The following AUTS2 variants were observed in gnomAD, a reference collection of about 807,000 sequenced individuals.
The protein encoded by AUTS2 is activator of transcription and developmental regulator AUTS2.
Under a neutral mutation model 112.4 loss-of-function variants are expected in AUTS2, and 17 were observed. The ratio of observed to expected loss-of-function variants is 0.15; its 90% CI spans 0.10 to 0.23. The LOEUF (loss-of-function observed/expected upper bound fraction) is 0.23. AUTS2 is among the 10% of genes least tolerant of loss of function. The pLI is 1.00. For missense variants in AUTS2, 1,510 were observed against 1,701.6 expected (o/e 0.89, Z 1.98); for synonymous variants, 751 against 702.7 (o/e 1.07, Z -1.09).
chr7:70,339,217 T>C (rs914394618), intron 4 of AUTS2, among the ~76,000 whole-genome samples: 2 of 152,128 alleles, frequency 1.3e-5, no homozygotes, highest in African/African-American at 4.8e-5. Context: ...GTAACAGTGT[T>C]GTGAATATTG....
chr7:70,069,102 A>G (rs772494591), intron 2 of AUTS2, among the ~76,000 whole-genome samples: 87 of 152,314 alleles, frequency 5.7e-4, no homozygotes, highest in Non-Finnish European at 1.1e-3. Flanking sequence ...CAGGGCTTCC[A>G]AGTGATTAGT....
intron 5 of AUTS2, among the ~76,000 whole-genome samples, chr7:70,555,499 T>C (rs553868350): frequency 1.3e-5 from 2 of 152,190 alleles, no homozygotes; most frequent in African/African-American, 4.8e-5. Context: ...TTTTCCAGAG[T>C]TACCTCCTTG....
intron 4 of AUTS2, among the ~76,000 whole-genome samples, chr7:70,428,723 A>G (rs1224213288): frequency 6.6e-6 from 1 of 152,230 alleles, no homozygotes; most frequent in Non-Finnish European, 1.5e-5. Context: ...TGTTCCAGCA[A>G]GGTCCATTGA....
chr7:70,464,758 TG>T (rs1490653953), intron 5 of AUTS2, among the ~76,000 whole-genome samples: 2 of 152,216 alleles, frequency 1.3e-5, no homozygotes, highest in East Asian at 3.8e-4. Flanking sequence ...AACTGGAATA[TG>T]AGGTTGGTGA....
chr7:69,775,662 C>T (rs1788860325), intron 1 of AUTS2, among the ~76,000 whole-genome samples: 1 of 152,098 alleles, frequency 6.6e-6, no homozygotes, highest in South Asian at 2.1e-4. Context: ...GCACACATTT[C>T]AAGGCAAGCA....
chr7:70,036,475 G>A (rs1051136024), intron 2 of AUTS2, among the ~76,000 whole-genome samples: 19 of 152,322 alleles, frequency 1.2e-4, no homozygotes, highest in Admixed American at 5.9e-4. Flanking sequence ...GGGCTGTCCC[G>A]TGGTTTAATA....
intron 4 of AUTS2, among the ~76,000 whole-genome samples, chr7:70,377,503 C>A (rs1009408106): frequency 4.0e-5 from 6 of 149,846 alleles, no homozygotes; most frequent in African/African-American, 1.2e-4. Context: ...ACCATTTTAA[C>A]AATTTTTAAA....
At chr7:69,795,505 C>G (rs1789802786) in intron 1 of AUTS2, among the ~76,000 whole-genome samples, 2 of 152,006 alleles carry the variant, frequency 1.3e-5, no homozygotes, top group African/African-American at 2.4e-5. Context: ...TGTAGTGAGA[C>G]CCCTGTTTCT....
chr7:70,744,273 G>A (rs376732449), intron 6 of AUTS2, among the ~76,000 whole-genome samples: 1 of 152,152 alleles, frequency 6.6e-6, no homozygotes, highest in Admixed American at 6.5e-5. Flanking sequence ...TTTTCCAAGG[G>A]TGAGTGACAT....
At chr7:70,240,337 G>A (rs997279330) in intron 4 of AUTS2, among the ~76,000 whole-genome samples, 1 of 152,192 alleles carries the variant, frequency 6.6e-6, no homozygotes, top group South Asian at 2.1e-4. Flanking sequence ...AACTCTTTGA[G>A]TCTGAGTTTT....
chr7:69,963,092 G>C (rs948303588), intron 2 of AUTS2, among the ~76,000 whole-genome samples: 1 of 152,026 alleles, frequency 6.6e-6, no homozygotes, highest in Non-Finnish European at 1.5e-5. Context: ...TAAACTGTCT[G>C]TTTAAAACAA....
intron 5 of AUTS2, among the ~76,000 whole-genome samples, chr7:70,455,348 G>A (rs1796693202): frequency 6.6e-6 from 1 of 152,166 alleles, no homozygotes; most frequent in Admixed American, 6.5e-5. Flanking sequence ...GGGTGCTACA[G>A]GTGGCAATGG....
At chr7:69,678,410 A>C (rs979345307) in intron 1 of AUTS2, among the ~76,000 whole-genome samples, 2 of 152,150 alleles carry the variant, frequency 1.3e-5, no homozygotes, top group Admixed American at 1.3e-4. Context: ...AGCAGAATTT[A>C]TATTCTATTT....
At chr7:69,850,812 A>G (rs1355885863) in intron 1 of AUTS2, among the ~76,000 whole-genome samples, 1 of 152,196 alleles carries the variant, frequency 6.6e-6, no homozygotes, top group Non-Finnish European at 1.5e-5. Flanking sequence ...TTTCATTATT[A>G]TAACAGGATG....
chr7:69,832,993 G>A (rs993588994), intron 1 of AUTS2, among the ~76,000 whole-genome samples: 1 of 152,110 alleles, frequency 6.6e-6, no homozygotes, highest in Non-Finnish European at 1.5e-5. Flanking sequence ...TTCCCTCCTT[G>A]ATGTCCACAA....
intron 1 of AUTS2, among the ~76,000 whole-genome samples, chr7:69,628,888 C>T (rs948412805): frequency 2.0e-5 from 3 of 152,082 alleles, no homozygotes; most frequent in South Asian, 4.2e-4. Flanking sequence ...GTGAGGAAAC[C>T]GAGGCACTGA....
intron 15 of AUTS2, chr7:70,784,276 T>C (rs566487491): frequency 1.3e-5 from 2 of 152,316 alleles, no homozygotes; most frequent in South Asian, 4.1e-4. Context: ...TGTGGGTGCA[T>C]GCGAACTAAC....
intron 5 of AUTS2, among the ~76,000 whole-genome samples, chr7:70,697,952 C>T (rs890832387): frequency 6.6e-6 from 1 of 152,140 alleles, no homozygotes; most frequent in Non-Finnish European, 1.5e-5. Context: ...GACATGTTCT[C>T]TAGAAAATGG....
intron 1 of AUTS2, among the ~76,000 whole-genome samples, chr7:69,702,698 TG>T (rs1020283748): frequency 7.2e-5 from 11 of 152,124 alleles, no homozygotes; most frequent in African/African-American, 2.7e-4. Context: ...AATGCAGATT[TG>T]GGGACTCCTA....
Sources: allele counts gnomAD v4.1 joint callset (sites outside exome capture counted in the v4.1 genomes callset), GRCh38; gene constraint gnomAD v4.1.1; transcripts MANE v1.5; gene names NCBI Gene and HGNC (gene_info 2026-07-23, HGNC 2026-07-21).